The following GRIN2B variants were observed in gnomAD, a reference collection of about 807,000 sequenced individuals.
The protein encoded by GRIN2B is glutamate receptor ionotropic, NMDA 2B.
A neutral mutation model predicts 114.5 loss-of-function variants in GRIN2B; 5 were observed. That is an observed-to-expected ratio of 0.04 (90% CI 0.02 to 0.09). GRIN2B has a LOEUF of 0.09. Among genes scored for constraint, GRIN2B ranks in the 10% least tolerant of loss-of-function variants. The pLI is 1.00. For synonymous variants in GRIN2B, 787 were observed against 745.1 expected (o/e 1.06, Z -0.92); for missense variants, 1,108 against 1,943.5 (o/e 0.57, Z 8.08).
chr12:13,578,378 T>C (rs1948804918), intron 10 of GRIN2B, among the ~76,000 whole-genome samples: 1 of 152,202 alleles, frequency 6.6e-6, no homozygotes, highest in South Asian at 2.1e-4. Flanking sequence ...GAAACCTCGC[T>C]CTGAGAGAAT....
intron 2 of GRIN2B, among the ~76,000 whole-genome samples, chr12:13,964,035 G>T (rs183315793): frequency 8.5e-5 from 13 of 152,278 alleles, no homozygotes; most frequent in African/African-American, 2.2e-4. Context: ...TCTGGCTGTG[G>T]CTAGAATTTG....
At chr12:13,581,791 TC>T (rs1948853674) in intron 10 of GRIN2B, among the ~76,000 whole-genome samples, 1 of 151,614 alleles carries the variant, frequency 6.6e-6, no homozygotes. Context: ...ATGCCTGTAG[TC>T]CCAGCTACTC....
At chr12:13,899,641 T>C (rs1359327877) in intron 2 of GRIN2B, among the ~76,000 whole-genome samples, 1 of 144,038 alleles carries the variant, frequency 6.9e-6, no homozygotes, top group African/African-American at 2.4e-5. Flanking sequence ...AAATAATTCA[T>C]TGTAATTAAA....
At chr12:13,752,633 A>G (rs1487875380) in intron 4 of GRIN2B, among the ~76,000 whole-genome samples, 3 of 152,226 alleles carry the variant, frequency 2.0e-5, no homozygotes, top group African/African-American at 4.8e-5. Flanking sequence ...CACTGCAGTC[A>G]CGGCTGGGTT....
intron 3 of GRIN2B, among the ~76,000 whole-genome samples, chr12:13,798,812 T>C (rs1413128226): frequency 1.3e-5 from 2 of 152,358 alleles, no homozygotes; most frequent in East Asian, 3.9e-4. Context: ...AGATGGATCT[T>C]AGAACATGTC....
intron 10 of GRIN2B, among the ~76,000 whole-genome samples, chr12:13,588,229 G>C (rs1394627028): frequency 6.6e-6 from 1 of 152,130 alleles, no homozygotes; most frequent in African/African-American, 2.4e-5. Flanking sequence ...ATTAACAAAT[G>C]GAAAATGTTT....
rs989426868 is a variant in GRIN2B, at chr12:13,733,687, T to A, written c.1010+19630A>T. 9.2e-5 allele frequency among the ~76,000 whole-genome samples: 14 copies of A among 152,290 alleles called. No individual in the cohort carries two copies. In the East Asian group the frequency reaches 2.7e-3, roughly 29 times the overall value. ...AGACATTGTTGGCTGCTGTATAATA[T>A]TGTGGTATAAATGAGGCCAGCGTTC... On this transcript the variant is annotated intron_variant, in intron 4 of 13. Coordinates refer to ENST00000609686, the MANE Select transcript of GRIN2B (RefSeq NM_000834.5).
chr12:13,833,426 G>T (rs961529836), intron 3 of GRIN2B, among the ~76,000 whole-genome samples: 1 of 152,090 alleles, frequency 6.6e-6, no homozygotes, highest in Non-Finnish European at 1.5e-5. Context: ...GCTTATTCCA[G>T]TTTTGCTCTC....
rs1948255483 is a variant in GRIN2B, at chr12:13,539,890, T to C, written c.*22893A>G. The C allele has an allele frequency of 6.6e-6, 1 of 152,204 alleles. No individual in the cohort carries two copies. Among genetic ancestry groups the C allele is most frequent in the African/African-American group, 2.4e-5 (1 of 41,450 alleles). The allele number at this position is 152,204 out of a possible 1,614,324, so 9.4% of individuals were successfully genotyped here. A position where few individuals can be genotyped will look rare whatever the true frequency, so the allele number is the denominator to read the frequency against. ...CAATTAGTGAACACTGGATATTTCT[T>C]ATCAAGGAATTATGGCTACCTTATG... On this transcript the variant is annotated 3_prime_UTR_variant, in exon 14 of 14. Coordinates refer to ENST00000609686, the MANE Select transcript of GRIN2B (RefSeq NM_000834.5).
intron 3 of GRIN2B, among the ~76,000 whole-genome samples, chr12:13,789,538 C>A (rs1398199367): frequency 6.6e-6 from 1 of 152,124 alleles, no homozygotes; most frequent in African/African-American, 2.4e-5. Context: ...AGTCCAAGAT[C>A]AGTTTTTTTT....
At chr12:13,937,990 T>C (rs924064931) in intron 2 of GRIN2B, among the ~76,000 whole-genome samples, 2 of 152,106 alleles carry the variant, frequency 1.3e-5, no homozygotes, top group Non-Finnish European at 2.9e-5. Context: ...GATACAATGT[T>C]GACTCTAAAT....
intron 10 of GRIN2B, among the ~76,000 whole-genome samples, chr12:13,589,322 A>G (rs1948973610): frequency 6.6e-6 from 1 of 152,232 alleles, no homozygotes; most frequent in Non-Finnish European, 1.5e-5. Flanking sequence ...GGTAACAGGT[A>G]GAATCCAAGT....
chr12:13,547,981 A>ATATATATATATTTTTTTTTTTTTTTTTT lies in GRIN2B; in HGVS notation c.*14801_*14802insAAAAAAAAAAAAAAAAAATATATATATA. 1.9e-4 allele frequency: 13 copies of ATATATATATATTTTTTTTTTTTTTTTTT among 68,572 alleles called. No individual in the cohort carries two copies. Among genetic ancestry groups the ATATATATATATTTTTTTTTTTTTTTTTT allele is most frequent in the South Asian group, 7.3e-4 (1 of 1,374 alleles). 4.2% of individuals were successfully genotyped at this position (68,572 alleles called of 1,614,324 possible). On this transcript the variant is annotated 3_prime_UTR_variant, in exon 14 of 14. Transcript: ENST00000609686. Reference sequence around the variant, plus strand: ...TGTGTATATATATATATATATATATATTTTTTTTTTTTTTCTGAAAGCTAC... The same window carrying ATATATATATATTTTTTTTTTTTTTTTTT: ...TGTGTATATATATATATATATATATATATATATATATTTTTTTTTTTTTTTTTTTTTTTTTTTTTTTTCTGAAAGCTAC...
intron 12 of GRIN2B, among the ~76,000 whole-genome samples, chr12:13,568,820 T>C (rs1948672289): frequency 6.6e-6 from 1 of 152,204 alleles, no homozygotes; most frequent in African/African-American, 2.4e-5. Context: ...GACAGGAATA[T>C]AATGAAACAG....
chr12:13,675,933 G>T (rs774967081), intron 4 of GRIN2B, 74 bp from the exon 5 acceptor site: 11 of 836,936 alleles, frequency 1.3e-5, no homozygotes, highest in Middle Eastern at 2.2e-4. Flanking sequence ...CAGGTATATA[G>T]AGAGAAAGCT....
At chr12:13,976,144 G>A (rs1317480710) in intron 2 of GRIN2B, among the ~76,000 whole-genome samples, 1 of 152,190 alleles carries the variant, frequency 6.6e-6, no homozygotes. Flanking sequence ...CTTTCATCCC[G>A]ACTACATTCT....
intron 2 of GRIN2B, among the ~76,000 whole-genome samples, chr12:13,925,846 C>G (rs1866902693): frequency 1.3e-5 from 2 of 152,154 alleles, no homozygotes; most frequent in South Asian, 4.1e-4. Context: ...TGCGAATGAC[C>G]TATTGTTAAA....
intron 5 of GRIN2B, among the ~76,000 whole-genome samples, chr12:13,659,625 AT>A (rs200972255): frequency 8.6e-5 from 13 of 152,046 alleles, no homozygotes; most frequent in South Asian, 2.1e-4. Flanking sequence ...CACCTAGACA[AT>A]TTTTTTAAAA....
intron 2 of GRIN2B, among the ~76,000 whole-genome samples, chr12:13,867,802 A>G (rs11055653): frequency 0.15 from 23,261 of 151,920 alleles, 2,290 homozygotes; most frequent in Middle Eastern, 0.23. Flanking sequence ...TACAAACTGC[A>G]ACCAGAACCA....
Sources: gnomAD v4.1 joint callset for allele counts (sites outside exome capture counted in the v4.1 genomes callset) on GRCh38, gnomAD v4.1.1 for gene constraint, MANE v1.5 for transcripts, NCBI Gene and HGNC (gene_info 2026-07-23, HGNC 2026-07-21) for gene names.